COL5A2: variants seen among roughly 807,000 people sequenced by gnomAD.
COL5A2 encodes collagen type V alpha 2 chain.
COL5A2 carries 23 observed loss-of-function variants against 208.2 expected under a neutral mutation model. The ratio of observed to expected loss-of-function variants is 0.11; its 90% CI spans 0.08 to 0.16. The LOEUF is 0.16. Among genes scored for constraint, COL5A2 ranks in the 10% least tolerant of loss-of-function variants. The pLI is 1.00. For missense variants in COL5A2, 1,590 were observed against 1,956.4 expected (o/e 0.81, Z 3.53); for synonymous variants, 625 against 628.5 (o/e 0.99, Z 0.08).
intron 46 of COL5A2, 131 bp from the exon 47 acceptor site, chr2:189,045,363 T>C (rs1022455064): frequency 2.6e-4 from 159 of 602,690 alleles, no homozygotes; most frequent in African/African-American, 2.5e-3. Flanking sequence ...TGTGTGTGTG[T>C]GCATACTCTT....
At chr2:189,312,696 T>C in the COL5A2 span, among the ~76,000 whole-genome samples, 1 of 152,132 alleles carries the variant, frequency 6.6e-6, no homozygotes, top group Non-Finnish European at 1.5e-5. Context: ...TGGCAACAAG[T>C]TTGTACCTCC....
In COL5A2 at chr2:189,152,331, A is replaced by G. The variant is rs944872446; in HGVS notation, c.97+27177T>C. Reference sequence around the variant, plus strand: ...GTCAGCACTCCATGCCTTCCGGGCTACAAGTTATGATACCAAAGAGTTCTA... The same window carrying G: ...GTCAGCACTCCATGCCTTCCGGGCTGCAAGTTATGATACCAAAGAGTTCTA... On this transcript the variant is annotated intron_variant, in intron 1 of 53. Transcript: ENST00000374866. Among the ~76,000 whole-genome samples the G allele has an allele frequency of 2.4e-4, 37 of 152,340 alleles. 1 individual carries two copies. The highest frequency in any genetic ancestry group is 7.0e-4 in the African/African-American group (29 of 41,604).
chr2:189,356,574 CA>C, the COL5A2 span, among the ~76,000 whole-genome samples: 1 of 152,156 alleles, frequency 6.6e-6, no homozygotes, highest in Non-Finnish European at 1.5e-5. Flanking sequence ...TACTGTTTTT[CA>C]GCTCCATCAG....
At position 189,045,922 on chromosome 2, in the gene COL5A2, C is replaced by A. The variant is rs1002603098; in HGVS notation, c.3202-15G>T. 1.3e-6 allele frequency: 2 copies of A among 1,599,648 alleles called. No homozygotes were observed. The highest frequency in any genetic ancestry group is 1.3e-5 in the African/African-American group (1 of 74,750). ...CCACGATCACCCTAACAAGAATAAC[C>A]ATGATATTATTTTTTAACATTTATT... On this transcript the variant is annotated splice_polypyrimidine_tract_variant and intron_variant, in intron 45 of 53. Coordinates refer to ENST00000374866, the MANE Select transcript of COL5A2 (RefSeq NM_000393.5).
chr2:189,072,350 CAT>C (rs960947143), intron 17 of COL5A2, among the ~76,000 whole-genome samples: 2 of 152,180 alleles, frequency 1.3e-5, no homozygotes, highest in African/African-American at 2.4e-5. Context: ...CAATCACAAA[CAT>C]AAAGTGTTTC....
chr2:189,142,791 C>T (rs1160457927), intron 1 of COL5A2, among the ~76,000 whole-genome samples: 1 of 152,072 alleles, frequency 6.6e-6, no homozygotes, highest in Non-Finnish European at 1.5e-5. Context: ...CCCTCAGTCG[C>T]ACTCTGGCCC....
the COL5A2 span, among the ~76,000 whole-genome samples, chr2:189,344,657 G>T: frequency 6.6e-6 from 1 of 152,208 alleles, no homozygotes; most frequent in Admixed American, 6.5e-5. Flanking sequence ...AATTCTTTTG[G>T]AATTCCCCAA....
the COL5A2 span, among the ~76,000 whole-genome samples, chr2:189,412,156 G>A: frequency 1.3e-5 from 2 of 152,092 alleles, no homozygotes; most frequent in South Asian, 2.1e-4. Context: ...ATCACCAGCT[G>A]GAATTTGTAT....
chr2:189,284,933 C>T, the COL5A2 span, among the ~76,000 whole-genome samples: 1 of 152,040 alleles, frequency 6.6e-6, no homozygotes, highest in Admixed American at 6.6e-5. Context: ...ATAACAAGTA[C>T]TTTGCTGGGG....
intron 8 of COL5A2, 145 bp downstream of exon 8, chr2:189,088,550 A>G: frequency 1.6e-6 from 1 of 634,090 alleles, no homozygotes; most frequent in Non-Finnish European, 2.8e-6. Context: ...TAGAGTAAAT[A>G]AGTTAATTAA....
At chr2:189,232,551 G>A in the COL5A2 span, among the ~76,000 whole-genome samples, 5 of 151,650 alleles carry the variant, frequency 3.3e-5, no homozygotes, top group African/African-American at 1.2e-4. Context: ...TCAGGGAAAA[G>A]GTTTTTCTGG....
chr2:189,277,489 G>C, the COL5A2 span, among the ~76,000 whole-genome samples: 1 of 151,984 alleles, frequency 6.6e-6, no homozygotes, highest in Non-Finnish European at 1.5e-5. Context: ...TACCCCTTAA[G>C]AGCCAAACAT....
chr2:189,391,864 T>C, the COL5A2 span, among the ~76,000 whole-genome samples: 1 of 152,136 alleles, frequency 6.6e-6, no homozygotes, highest in Admixed American at 6.6e-5. Flanking sequence ...CCTTAGTTCT[T>C]TCCTTTGGAA....
At chr2:189,236,065 CAT>C in the COL5A2 span, among the ~76,000 whole-genome samples, 1 of 151,334 alleles carries the variant, frequency 6.6e-6, no homozygotes, top group Admixed American at 6.6e-5. Flanking sequence ...CAGCATTTCA[CAT>C]GTGTTGTCAC....
rs1428597685 is a variant in COL5A2, at chr2:189,197,270, C to T, written c.-42+27878G>A. Among the ~76,000 whole-genome samples, 5 of 151,718 alleles carry T rather than the reference C, an allele frequency of 3.3e-5. No homozygotes were observed. In the South Asian group the frequency reaches 6.3e-4, roughly 19 times the overall value. ...ACACAGGGAGGGGAACAACACACAC[C>T]GGGGCCAGCCAGGGGGTTGGGGTGC... is the stretch of plus-strand genomic sequence containing the variant. On this transcript the variant is annotated intron_variant, in intron 1 of 10. Coordinates refer to the COL5A2 transcript ENST00000649966.
At chr2:189,059,385 A>C (rs758159937) in intron 31 of COL5A2, among the ~76,000 whole-genome samples, 1 of 152,026 alleles carries the variant, frequency 6.6e-6, no homozygotes, top group Non-Finnish European at 1.5e-5. Context: ...AAACCAGTGC[A>C]GTCATGTCTA....
the COL5A2 span, among the ~76,000 whole-genome samples, chr2:189,424,661 A>T: frequency 6.6e-6 from 1 of 152,220 alleles, no homozygotes; most frequent in Admixed American, 6.5e-5. Context: ...TTATGAGATA[A>T]ATTGAAGAAG....
In COL5A2 at chr2:189,089,022, T is replaced by C. The variant is rs923325128; in HGVS notation, c.568-250A>G. 1.1e-4 allele frequency among the ~76,000 whole-genome samples: 17 copies of C among 152,184 alleles called. 1 individual carries two copies. The East Asian group carries it at 3.1e-3, about 28-fold the overall frequency. ...AGAGCAGTTTCTGAAACAGGGCAAA[T>C]GTCTGATACTTGATAAAAGCATGGA... On this transcript the variant is annotated intron_variant, in intron 7 of 53. Transcript: ENST00000374866.
the COL5A2 span, among the ~76,000 whole-genome samples, chr2:189,429,892 C>A: frequency 0.013 from 1,950 of 152,200 alleles, 52 homozygotes; most frequent in African/African-American, 0.044. Context: ...ACTGTAACAT[C>A]GTTGACATTC....
Sources: gnomAD v4.1 joint callset for allele counts (sites outside exome capture counted in the v4.1 genomes callset) on GRCh38, gnomAD v4.1.1 for gene constraint, MANE v1.5 for transcripts, NCBI Gene and HGNC (gene_info 2026-07-23, HGNC 2026-07-21) for gene names.